Variants in MRAP2 observed in about 807,000 individuals in gnomAD.
MRAP2 encodes the protein melanocortin 2 receptor accessory protein 2.
MRAP2 carries 20 observed loss-of-function variants against 17.4 expected under a neutral mutation model. The observed-to-expected ratio is 1.15, with a 90% CI of 0.81 to 1.67. MRAP2 has a LOEUF of 1.67. Among genes scored for constraint, MRAP2 ranks in the 40% most tolerant of loss-of-function variants. The probability of loss-of-function intolerance (pLI) is 0.00; values close to 1 mark genes in which losing one functional copy is unlikely to be tolerated. For synonymous variants in MRAP2, 96 were observed against 88.4 expected (o/e 1.09, Z -0.48); for missense variants, 238 against 240.0 (o/e 0.99, Z 0.05).
chr6:84,106,428 T>A, the MRAP2 span, among the ~76,000 whole-genome samples: 1 of 152,216 alleles, frequency 6.6e-6, no homozygotes, highest in East Asian at 1.9e-4. Context: ...ACCAGGTAGC[T>A]GACTGATAAC....
chr6:84,062,777 C>G, intron 2 of MRAP2, 116 bp from the exon 3 acceptor site: 1 of 1,522,932 alleles, frequency 6.6e-7, no homozygotes, highest in East Asian at 2.5e-5. Context: ...GCGGATCAGA[C>G]TGTTGACTTC....
At chr6:84,077,613 G>T (rs59684574) in intron 3 of MRAP2, among the ~76,000 whole-genome samples, 2,374 of 152,232 alleles carry the variant, frequency 0.016, 61 homozygotes, top group African/African-American at 0.054. Flanking sequence ...GTACAGGTCT[G>T]GAACATTCTT....
intron 1 of MRAP2, among the ~76,000 whole-genome samples, chr6:84,049,320 G>A (rs949938544): frequency 5.9e-5 from 9 of 152,148 alleles, no homozygotes; most frequent in African/African-American, 1.2e-4. Flanking sequence ...AGCTACTAGG[G>A]AAGCTGAGGC....
intron 1 of MRAP2, chr6:84,035,604 G>C (rs750251815): frequency 1.7e-5 from 3 of 172,074 alleles, no homozygotes; most frequent in East Asian, 3.8e-4. Flanking sequence ...TTTGTGAAGC[G>C]CGCGCTGGTG....
At chr6:84,141,794 TC>T in the MRAP2 span, among the ~76,000 whole-genome samples, 8 of 152,106 alleles carry the variant, frequency 5.3e-5, no homozygotes, top group Non-Finnish European at 1.2e-4. Context: ...TTTCCAGAGC[TC>T]CATCATCAAC....
intron 3 of MRAP2, chr6:84,063,351 A>G: frequency 2.0e-6 from 2 of 985,420 alleles, no homozygotes; most frequent in Non-Finnish European, 2.4e-6. Context: ...ACAGTGGAAA[A>G]GACAATGGCA....
chr6:84,054,461 A>AC (rs1277374186), intron 1 of MRAP2, among the ~76,000 whole-genome samples: 3 of 152,236 alleles, frequency 2.0e-5, no homozygotes, highest in Non-Finnish European at 4.4e-5. Flanking sequence ...TTCAGGAGTA[A>AC]GCAGTTGGAC....
At chr6:84,039,245 T>C (rs2099486892) in intron 1 of MRAP2, among the ~76,000 whole-genome samples, 1 of 152,198 alleles carries the variant, frequency 6.6e-6, no homozygotes, top group Admixed American at 6.5e-5. Flanking sequence ...AATTATCTAT[T>C]CCTAAAAGTC....
chr6:84,115,439 C>T, the MRAP2 span, among the ~76,000 whole-genome samples: 162 of 152,260 alleles, frequency 1.1e-3, 2 homozygotes, highest in Non-Finnish European at 2.2e-4. Flanking sequence ...CAAGTTTGAG[C>T]GTCCCAGGTT....
In MRAP2 at chr6:84,064,708, C is replaced by T. The variant is rs181881106; in HGVS notation, c.227+1716C>T. 8.5e-5 allele frequency among the ~76,000 whole-genome samples: 13 copies of T among 152,238 alleles called. No individual in the cohort carries two copies. The South Asian group carries it at 1.5e-3, about 17-fold the overall frequency. ...TTCACCATGTTAGCCAGGATGGTCT[C>T]GATCTGCTGACTTCGTGATCCGCCC... On this transcript the variant is annotated intron_variant, in intron 3 of 3. Coordinates refer to ENST00000257776, the MANE Select transcript of MRAP2 (RefSeq NM_138409.4).
intron 1 of MRAP2, among the ~76,000 whole-genome samples, chr6:84,037,820 C>T (rs1045580737): frequency 1.3e-5 from 2 of 152,084 alleles, no homozygotes; most frequent in East Asian, 1.9e-4. Flanking sequence ...GCCCCTCTCT[C>T]TCCCTCCACA....
the MRAP2 span, among the ~76,000 whole-genome samples, chr6:84,133,946 G>A: frequency 3.3e-5 from 5 of 152,212 alleles, no homozygotes; most frequent in Non-Finnish European, 7.3e-5. Flanking sequence ...AGTCGCTCAT[G>A]CTAGGAGCTG....
At chr6:84,035,841 G>A (rs1256949551) in intron 1 of MRAP2, among the ~76,000 whole-genome samples, 1 of 152,176 alleles carries the variant, frequency 6.6e-6, no homozygotes, top group Non-Finnish European at 1.5e-5. Flanking sequence ...TTGCCAATCA[G>A]AATTCATCTC....
chr6:84,076,747 G>A (rs2099497734), intron 3 of MRAP2, among the ~76,000 whole-genome samples: 1 of 152,222 alleles, frequency 6.6e-6, no homozygotes, highest in Non-Finnish European at 1.5e-5. Flanking sequence ...CTTTTCATGA[G>A]TGGGGCAAAC....
the MRAP2 span, among the ~76,000 whole-genome samples, chr6:84,110,789 G>A: frequency 1.4e-4 from 22 of 152,306 alleles, 1 homozygote; most frequent in African/African-American, 5.3e-4. Flanking sequence ...AAGGTGTAAG[G>A]AAGGGGTTCA....
At chr6:84,092,723 C>T (rs1325455320), downstream of MRAP2, among the ~76,000 whole-genome samples, 1 of 152,040 alleles carries the variant, frequency 6.6e-6, no homozygotes, top group African/African-American at 2.4e-5. Context: ...CCTGCAGAAC[C>T]CGTGTATATG....
chr6:84,036,530 G>A (rs980026657), intron 1 of MRAP2, among the ~76,000 whole-genome samples: 23 of 152,184 alleles, frequency 1.5e-4, no homozygotes, highest in Admixed American at 6.5e-4. Flanking sequence ...TTGTGGTCTC[G>A]CTGGCTTCAG....
the MRAP2 span, among the ~76,000 whole-genome samples, chr6:84,104,194 C>T: frequency 1.3e-5 from 2 of 152,180 alleles, no homozygotes; most frequent in African/African-American, 2.4e-5. Context: ...TCTACATTGG[C>T]CACTTTCAGC....
At chr6:84,079,976 C>T (rs1189496208) in intron 3 of MRAP2, among the ~76,000 whole-genome samples, 1 of 151,690 alleles carries the variant, frequency 6.6e-6, no homozygotes, top group Non-Finnish European at 1.5e-5. Flanking sequence ...GGCACTCATG[C>T]ATGAGGACCC....
Sources: gnomAD v4.1 joint callset for allele counts (sites outside exome capture counted in the v4.1 genomes callset) on GRCh38, gnomAD v4.1.1 for gene constraint, MANE v1.5 for transcripts, NCBI Gene and HGNC (gene_info 2026-07-23, HGNC 2026-07-21) for gene names.